The following LRRTM4 variants were observed in gnomAD, a reference collection of about 807,000 sequenced individuals.
LRRTM4 encodes leucine rich repeat transmembrane neuronal 4.
A neutral mutation model predicts 47.6 loss-of-function variants in LRRTM4; 25 were observed. The ratio of observed to expected loss-of-function variants is 0.53; its 90% CI spans 0.38 to 0.73. The LOEUF is 0.73. Among genes scored for constraint, LRRTM4 ranks in the 30% least tolerant of loss-of-function variants. LRRTM4 has a pLI of 0.00. For synonymous variants in LRRTM4, 311 were observed against 269.5 expected (o/e 1.15, Z -1.51); for missense variants, 638 against 713.4 (o/e 0.89, Z 1.20).
intron 3 of LRRTM4, among the ~76,000 whole-genome samples, chr2:76,806,102 C>T (rs1216206636): frequency 6.6e-6 from 1 of 152,050 alleles, no homozygotes; most frequent in Admixed American, 6.6e-5. Context: ...AAGCAGAATA[C>T]AAAACTTAGA....
At chr2:76,811,501 C>G (rs764264729) in intron 3 of LRRTM4, among the ~76,000 whole-genome samples, 8 of 152,152 alleles carry the variant, frequency 5.3e-5, no homozygotes, top group South Asian at 2.1e-4. Context: ...CGCCTCTACT[C>G]TACATTGCAA....
chr2:77,258,863 G>A (rs972002024), intron 3 of LRRTM4, among the ~76,000 whole-genome samples: 7 of 151,764 alleles, frequency 4.6e-5, no homozygotes, highest in African/African-American at 1.7e-4. Context: ...AATAATATAA[G>A]AGTGATATTT....
At chr2:77,480,843 G>C (rs1677671593) in intron 3 of LRRTM4, among the ~76,000 whole-genome samples, 1 of 142,926 alleles carries the variant, frequency 7.0e-6, no homozygotes, top group African/African-American at 2.8e-5. Context: ...GAGAGAGAGA[G>C]AGAGAGAGAG....
At chr2:77,482,093 A>T (rs1032178010) in intron 3 of LRRTM4, among the ~76,000 whole-genome samples, 1 of 152,184 alleles carries the variant, frequency 6.6e-6, no homozygotes, top group Admixed American at 6.5e-5. Context: ...GGGTCAATGG[A>T]TGGCTATGCT....
intron 3 of LRRTM4, among the ~76,000 whole-genome samples, chr2:77,045,512 T>A (rs990283127): frequency 1.3e-5 from 2 of 151,932 alleles, no homozygotes; most frequent in African/African-American, 4.8e-5. Context: ...AATCTCATCT[T>A]GAATTCTCAT....
intron 3 of LRRTM4, among the ~76,000 whole-genome samples, chr2:76,813,214 G>A (rs1191047317): frequency 6.6e-6 from 1 of 152,092 alleles, no homozygotes; most frequent in African/African-American, 2.4e-5. Flanking sequence ...ACATGTATAT[G>A]TGTATATATT....
At chr2:77,174,238 C>T (rs11901298) in intron 3 of LRRTM4, among the ~76,000 whole-genome samples, 10,749 of 152,138 alleles carry the variant, frequency 0.071, 576 homozygotes, top group East Asian at 0.24. Flanking sequence ...TGATTTGTTT[C>T]CCTCCTAGGC....
chr2:76,812,239 GATCC>G (rs1670756273), intron 3 of LRRTM4, among the ~76,000 whole-genome samples: 1 of 152,058 alleles, frequency 6.6e-6, no homozygotes, highest in Non-Finnish European at 1.5e-5. Context: ...TCAGATCTAG[GATCC>G]ATTCTAGTCA....
chr2:76,911,700 G>C (rs1674061263), intron 3 of LRRTM4, among the ~76,000 whole-genome samples: 1 of 152,108 alleles, frequency 6.6e-6, no homozygotes, highest in South Asian at 2.1e-4. Flanking sequence ...GAGAGGAAGA[G>C]AAAGGGAGAG....
At chr2:77,249,326 G>T (rs1675538572) in intron 3 of LRRTM4, among the ~76,000 whole-genome samples, 1 of 151,828 alleles carries the variant, frequency 6.6e-6, no homozygotes, top group Non-Finnish European at 1.5e-5. Flanking sequence ...CTCCAGCCTG[G>T]GTGACAATAG....
At chr2:77,042,539 T>C (rs1679068938) in intron 3 of LRRTM4, among the ~76,000 whole-genome samples, 1 of 151,686 alleles carries the variant, frequency 6.6e-6, no homozygotes. Flanking sequence ...ATAACAAGAG[T>C]GTAGTTTTTG....
intron 3 of LRRTM4, among the ~76,000 whole-genome samples, chr2:77,044,339 A>G (rs912279278): frequency 6.6e-6 from 1 of 151,758 alleles, no homozygotes; most frequent in Non-Finnish European, 1.5e-5. Context: ...TGGTACTTGG[A>G]ATGTTTCTTC....
At chr2:77,439,774 G>A (rs1322750046) in intron 3 of LRRTM4, among the ~76,000 whole-genome samples, 7 of 152,128 alleles carry the variant, frequency 4.6e-5, no homozygotes, top group Non-Finnish European at 1.0e-4. Flanking sequence ...CTATCTGGAA[G>A]CCAGTATTGT....
At chr2:77,321,132 T>A (rs1677776352) in intron 3 of LRRTM4, among the ~76,000 whole-genome samples, 1 of 152,120 alleles carries the variant, frequency 6.6e-6, no homozygotes, top group Non-Finnish European at 1.5e-5. Flanking sequence ...AAAAGCACCA[T>A]CTGGTGGTTA....
At chr2:76,994,217 A>G (rs1457987317) in intron 3 of LRRTM4, among the ~76,000 whole-genome samples, 1 of 151,970 alleles carries the variant, frequency 6.6e-6, no homozygotes, top group Non-Finnish European at 1.5e-5. Context: ...AGTATCATAC[A>G]ATATACACAC....
chr2:76,774,187 T>A (rs908819569), intron 3 of LRRTM4, among the ~76,000 whole-genome samples: 2 of 152,048 alleles, frequency 1.3e-5, no homozygotes, highest in Admixed American at 6.5e-5. Context: ...ACTTTTTTTT[T>A]TTTTATTTTT....
Position 77,083,783 on chromosome 2 carries a change from C to CTTTTTTTTTTTTTTTTTTTT in LRRTM4, c.1552-334887_1552-334868dup, listed in dbSNP as rs386390525. ...ACTTCTCAATTTTTAACTGGACACA[C>CTTTTTTTTTTTTTTTTTTTT]TTTTTTTTTTTTTTTTTTTTTTTTT... On this transcript the variant is annotated intron_variant, in intron 3 of 3. Transcript: ENST00000409884. Among the ~76,000 whole-genome samples the CTTTTTTTTTTTTTTTTTTTT allele has an allele frequency of 3.6e-4, 19 of 52,402 alleles. 4 individuals are homozygous for CTTTTTTTTTTTTTTTTTTTT. The highest frequency in any genetic ancestry group is 5.3e-4 in the Admixed American group (2 of 3,808). 34.4% of individuals were successfully genotyped at this position (52,402 alleles called of 152,430 possible).
At chr2:77,484,297 C>G (rs1216429251) in intron 3 of LRRTM4, among the ~76,000 whole-genome samples, 1 of 152,170 alleles carries the variant, frequency 6.6e-6, no homozygotes, top group Non-Finnish European at 1.5e-5. Context: ...GCTAATGTAT[C>G]TGATATATTC....
intron 3 of LRRTM4, among the ~76,000 whole-genome samples, chr2:76,950,721 G>C (rs1303502350): frequency 6.6e-6 from 1 of 151,930 alleles, no homozygotes; most frequent in East Asian, 1.9e-4. Context: ...ATGTTGAAAA[G>C]AGGAAATAGT....
Sources: allele counts gnomAD v4.1 joint callset (sites outside exome capture counted in the v4.1 genomes callset), GRCh38; gene constraint gnomAD v4.1.1; transcripts MANE v1.5; gene names NCBI Gene and HGNC (gene_info 2026-07-23, HGNC 2026-07-21).